CACNA1C: variants seen among roughly 807,000 people sequenced by gnomAD.
CACNA1C encodes the protein voltage-dependent L-type calcium channel subunit alpha-1C.
A neutral mutation model predicts 229.0 loss-of-function variants in CACNA1C; 30 were observed. The ratio of observed to expected loss-of-function variants is 0.13; its 90% confidence interval spans 0.10 to 0.18. CACNA1C has a LOEUF of 0.18. Among genes scored for constraint, CACNA1C ranks in the 10% least tolerant of loss-of-function variants. The pLI, the probability that CACNA1C is intolerant of heterozygous loss-of-function variation, is 1.00. For synonymous variants in CACNA1C, 1,114 were observed against 1,132.5 expected, an observed-to-expected ratio of 0.98 and a Z score of 0.33; for missense variants, 1,658 against 2,845.0, an observed-to-expected ratio of 0.58 and a Z score of 9.49.
chr12:2,401,579 A>G (rs2098678490), intron 3 of CACNA1C, among the ~76,000 whole-genome samples: 1 of 152,220 alleles, frequency 6.6e-6, no homozygotes, highest in Non-Finnish European at 1.5e-5. Context: ...ATGATGGTCA[A>G]GAACAAACCC....
chr12:2,074,854 T>C (rs1459278952), intron 1 of CACNA1C, among the ~76,000 whole-genome samples: 1 of 152,206 alleles, frequency 6.6e-6, no homozygotes, highest in Admixed American at 6.5e-5. Context: ...GGAGCCTCCC[T>C]GTGGTCTACC....
intron 18 of CACNA1C, among the ~76,000 whole-genome samples, chr12:2,592,774 G>C (rs149063615): frequency 1.5e-4 from 22 of 149,978 alleles, no homozygotes; most frequent in African/African-American, 4.9e-4. Flanking sequence ...GAACTTCCAA[G>C]AGTGAGGTTA....
At position 2,054,068 on chromosome 12, in the gene CACNA1C, A is replaced by C. The variant is rs2053508752; in HGVS notation, c.49+457A>C. 6.8e-6 allele frequency among the ~76,000 whole-genome samples: 1 copy of C among 147,514 alleles called. No individual in the cohort carries two copies. Among genetic ancestry groups the C allele is most frequent in the Non-Finnish European group, 1.5e-5 (1 of 66,424 alleles). ...GCGCGCGCGCACCCTGCGCCGGCAG[A>C]GCCCGGCGCCCACGGCCGCCCCTGG... On this transcript the variant is annotated intron_variant, in intron 1 of 46. Coordinates refer to ENST00000399655, the MANE Select transcript of CACNA1C (RefSeq NM_000719.7). This position sits in a 1 kb window ranked among gnomAD's most constrained non-coding sequence, Gnocchi z 5.5.
rs920608541 is a variant in CACNA1C at position 2,566,834 on chromosome 12, T to G, written c.1669+252T>G. ...CATCAGCCTGCCCCAAAGTCACTGT[T>G]GGACCCAGGTGATGAGGAAAGGGGC... On this transcript the variant is annotated intron_variant, in intron 12 of 46. Transcript: ENST00000399655. This position sits in a 1 kb window ranked among gnomAD's most constrained non-coding sequence, Gnocchi z 4.0. Among the ~76,000 whole-genome samples, 2 of 152,206 alleles carry G rather than the reference T, an allele frequency of 1.3e-5. No individual in the cohort carries two copies. The highest frequency in any genetic ancestry group is 4.8e-5 in the African/African-American group (2 of 41,456).
At chr12:2,430,622 T>C (rs1319733526) in intron 3 of CACNA1C, among the ~76,000 whole-genome samples, 5 of 152,254 alleles carry the variant, frequency 3.3e-5, no homozygotes, top group African/African-American at 9.6e-5. Context: ...ACAGAGTATG[T>C]GCTCCGTAAA....
rs903510210 is a variant in CACNA1C at position 2,666,613 on chromosome 12, C to A, written c.4527-73C>A. 2 of 905,940 alleles carry A rather than the reference C, an allele frequency of 2.2e-6. No individual in the cohort carries two copies. The highest frequency in any genetic ancestry group is 1.5e-5 in the South Asian group (1 of 67,614). 56.1% of individuals were successfully genotyped at this position (905,940 alleles called of 1,614,324 possible). Reference sequence around the variant, plus strand: ...ATATGAGTGGGCCCTACCCCTCAGGCGCATGCGTCCTGGGCTGCTGGCAGA... The same window carrying A: ...ATATGAGTGGGCCCTACCCCTCAGGAGCATGCGTCCTGGGCTGCTGGCAGA... On this transcript the variant is annotated intron_variant, in intron 36 of 46. Coordinates refer to ENST00000399655, the MANE Select transcript of CACNA1C (RefSeq NM_000719.7). This position sits in a 1 kb window ranked among gnomAD's most constrained non-coding sequence, Gnocchi z 5.3.
At chr12:2,262,314 T>C (rs763809874) in intron 3 of CACNA1C, among the ~76,000 whole-genome samples, 1 of 152,236 alleles carries the variant, frequency 6.6e-6, no homozygotes, top group Non-Finnish European at 1.5e-5. Flanking sequence ...GGCAAGCTGC[T>C]GTGTTGGCAT....
At chr12:2,106,343 C>G (rs1204619789) in intron 1 of CACNA1C, among the ~76,000 whole-genome samples, 1 of 60,798 alleles carries the variant, frequency 1.6e-5, no homozygotes, top group Non-Finnish European at 3.8e-5. Flanking sequence ...AGGGTTTCCA[C>G]CTCAGCTGGG....
chr12:2,220,184 T>C (rs1310648906), intron 3 of CACNA1C, among the ~76,000 whole-genome samples: 1 of 152,292 alleles, frequency 6.6e-6, no homozygotes, highest in East Asian at 1.9e-4. Context: ...CAGATAGATA[T>C]GTGCTGGAAT....
chr12:2,324,807 G>T (rs938041046), intron 3 of CACNA1C, among the ~76,000 whole-genome samples: 2 of 152,168 alleles, frequency 1.3e-5, no homozygotes, highest in African/African-American at 4.8e-5. Flanking sequence ...TGGGCCTCTC[G>T]GGGGGTTTGC....
intron 13 of CACNA1C, among the ~76,000 whole-genome samples, chr12:2,568,866 G>GT (rs1204590342): frequency 2.0e-5 from 3 of 151,756 alleles, no homozygotes; most frequent in African/African-American, 7.3e-5. Flanking sequence ...GAATTCTACA[G>GT]TTTAAAAAAA....
chr12:2,566,321 A>G lies in CACNA1C; in HGVS notation c.1509-101A>G. On this transcript the variant is annotated intron_variant, in intron 11 of 46. Transcript: ENST00000399655. This position sits in a 1 kb window ranked among gnomAD's most constrained non-coding sequence, Gnocchi z 4.0. ...CAGATTGGGCTGCTCTAGCAAGGCC[A>G]GATCAGTGAGGGGCGAGAAGAGCCA... 1 of 1,128,740 alleles carries G rather than the reference A, an allele frequency of 8.9e-7. No homozygotes were observed. The highest frequency in any genetic ancestry group is 1.3e-6 in the Non-Finnish European group (1 of 797,118). 69.9% of individuals were successfully genotyped at this position (1,128,740 alleles called of 1,614,324 possible). A position where few individuals can be genotyped will look rare whatever the true frequency, so the allele number is the denominator to read the frequency against.
intron 3 of CACNA1C, among the ~76,000 whole-genome samples, chr12:2,233,661 A>C (rs2066183508): frequency 1.3e-5 from 2 of 152,176 alleles, no homozygotes; most frequent in African/African-American, 4.8e-5. Context: ...TGTTTCTGAT[A>C]CATAGATGGT....
chr12:2,606,616 G>A lies in CACNA1C; in HGVS notation c.3162G>A (p.Lys1054=). 6.2e-7 allele frequency: 1 copy of A among 1,605,954 alleles called. No individual in the cohort carries two copies. The highest frequency in any genetic ancestry group is 1.1e-5 in the South Asian group (1 of 88,934). Residue 1054 remains lysine (K), a synonymous_variant, in exon 25 of 47, where the codon AAG becomes AAA. Transcript: ENST00000399655. ...ACIGVQLFKG[K]LYTCSDSSKQ... ...CTCTGTTCTCTGCCTTCCAGGGAAA[G>A]CTGTACACCTGTTCAGACAGTTCCA...
chr12:2,062,016 T>C (rs1178524470), intron 1 of CACNA1C, among the ~76,000 whole-genome samples: 1 of 152,208 alleles, frequency 6.6e-6, no homozygotes, highest in East Asian at 1.9e-4. Flanking sequence ...TAGTTTTAGT[T>C]TCCCAAAGCA....
chr12:2,376,710 A>G (rs2154543660), intron 3 of CACNA1C, among the ~76,000 whole-genome samples: 1 of 152,028 alleles, frequency 6.6e-6, no homozygotes, highest in African/African-American at 2.4e-5. Context: ...CACCCCAAGA[A>G]CCCCAACATG....
chr12:2,349,210 GT>G (rs2097136307), intron 3 of CACNA1C, among the ~76,000 whole-genome samples: 1 of 152,166 alleles, frequency 6.6e-6, no homozygotes, highest in Admixed American at 6.5e-5. Context: ...CGTCAGAAGG[GT>G]AGAATACAAT....
At chr12:2,427,151 C>A (rs577595723) in intron 3 of CACNA1C, among the ~76,000 whole-genome samples, 1 of 152,254 alleles carries the variant, frequency 6.6e-6, no homozygotes, top group African/African-American at 2.4e-5. Context: ...TGGGAAGGAC[C>A]TGTGCTTCCC....
chr12:2,684,680 G>C (rs1017622737), intron 43 of CACNA1C, among the ~76,000 whole-genome samples: 15 of 152,136 alleles, frequency 9.9e-5, no homozygotes, highest in African/African-American at 3.6e-4. Flanking sequence ...GAAAGTTGAG[G>C]GCAGGGTGAC....
Sources: allele counts gnomAD v4.1 joint callset (sites outside exome capture counted in the v4.1 genomes callset), GRCh38; gene constraint gnomAD v4.1.1; non-coding constraint Gnocchi (gnomAD v3.1); transcripts MANE v1.5; gene names NCBI Gene and HGNC (gene_info 2026-07-23, HGNC 2026-07-21).